Variants in EVI2A observed in about 807,000 individuals in gnomAD.
EVI2A encodes the protein ecotropic viral integration site 2A.
A neutral mutation model predicts 13.0 loss-of-function variants in EVI2A; 11 were observed. That is an observed-to-expected ratio of 0.85 (90% confidence interval 0.53 to 1.40). The LOEUF (loss-of-function observed/expected upper bound fraction) is 1.40. Among genes scored for constraint, EVI2A ranks in the 40% most tolerant of loss-of-function variants. The pLI is 0.00. For synonymous variants in EVI2A, 89 were observed against 98.0 expected (o/e 0.91, Z 0.54); for missense variants, 267 against 279.5 (o/e 0.96, Z 0.32).
chr17:31,318,047 A>G lies in EVI2A; in HGVS notation c.*256T>C, dbSNP rs1479369049. 3 of 433,210 alleles carry G rather than the reference A, an allele frequency of 6.9e-6. No homozygotes were observed. In the East Asian group the frequency reaches 1.2e-4, roughly 17 times the overall value. The allele number at this position is 433,210 out of a possible 1,614,324, so 26.8% of individuals were successfully genotyped here. A position where few individuals can be genotyped will look rare whatever the true frequency, so the allele number is the denominator to read the frequency against. Reference sequence around the variant, plus strand: ...GCTATCTCTATTAATCAGTTTCCTCAATTTATCCTTAAAATTTTCCTCAAA... The same window carrying G: ...GCTATCTCTATTAATCAGTTTCCTCGATTTATCCTTAAAATTTTCCTCAAA... On this transcript the variant is annotated 3_prime_UTR_variant, in exon 2 of 2. Transcript: ENST00000462804.
In EVI2A at chr17:31,318,335, T is replaced by G; in HGVS notation, c.679A>C (p.Thr227Pro). 1.2e-6 allele frequency: 2 copies of G among 1,610,314 alleles called. No individual in the cohort carries two copies. The highest frequency in any genetic ancestry group is 1.7e-6 in the Non-Finnish European group (2 of 1,179,050). The change falls in exon 2 of 2, where the codon ACT becomes CCT. Residue 227 changes from threonine to proline, a missense_variant. Physicochemically the swap from Thr to Pro is conservative, Grantham distance 38. Transcript: ENST00000462804. The part of the protein sequence containing the change: ...ATRERKDEEG[T>P]EKLTNKQIG ...ATCTGTTTGTTAGTAAGTTTTTCAG[T>G]TCCTTCTTCATCTTTTCTTTCCCTT...
rs1555626469 is a variant in EVI2A at position 31,317,403 on chromosome 17, A to ACCCCCC, written c.*899_*900insGGGGGG. ...CACACACACACACACACACACACAC[A>ACCCCCC]CCCCTAATAAATCATTAGGCTACTT... On this transcript the variant is annotated 3_prime_UTR_variant, in exon 2 of 2. Transcript: ENST00000462804. Among the ~76,000 whole-genome samples the ACCCCCC allele has an allele frequency of 6.8e-6, 1 of 147,180 alleles. No homozygotes were observed. Among genetic ancestry groups the ACCCCCC allele is most frequent in the African/African-American group, 2.6e-5 (1 of 38,530 alleles).
intron 1 of EVI2A, among the ~76,000 whole-genome samples, 189 bp downstream of exon 1, chr17:31,321,306 G>A (rs549596390): frequency 1.4e-4 from 22 of 152,166 alleles, no homozygotes; most frequent in Non-Finnish European, 2.5e-4. Flanking sequence ...ACTCCATGGC[G>A]ATGGCAAATT....
chr17:31,318,084 T>C lies in EVI2A; in HGVS notation c.*219A>G. The C allele has an allele frequency of 2.0e-6, 1 of 506,382 alleles. No individual in the cohort carries two copies. The highest frequency in any genetic ancestry group is 3.9e-5 in the South Asian group (1 of 25,748). 31.4% of individuals were successfully genotyped at this position (506,382 alleles called of 1,614,324 possible). On this transcript the variant is annotated 3_prime_UTR_variant, in exon 2 of 2. Transcript: ENST00000462804. ...AAATTTTCCTCAAATGCTTAGTTAT[T>C]TTATTATTTGCTTTTTAAAATATTC...
chr17:31,318,174 C>G lies in EVI2A; in HGVS notation c.*129G>C. ...GGCATACTTCTCCCTGTCTCACCTG[C>G]TTGATTCTAAATTGCAAGGTCTACC... is the stretch of plus-strand genomic sequence containing the variant. On this transcript the variant is annotated 3_prime_UTR_variant, in exon 2 of 2. Coordinates refer to ENST00000462804, the MANE Select transcript of EVI2A (RefSeq NM_014210.4). 1 of 1,194,764 alleles carries G rather than the reference C, an allele frequency of 8.4e-7. No individual in the cohort carries two copies. 74.0% of individuals were successfully genotyped at this position (1,194,764 alleles called of 1,614,324 possible).
chr17:31,318,017 C>T lies in EVI2A; in HGVS notation c.*286G>A. 1 of 333,896 alleles carries T rather than the reference C, an allele frequency of 3.0e-6. No individual in the cohort carries two copies. Among genetic ancestry groups the T allele is most frequent in the Non-Finnish European group, 5.4e-6 (1 of 183,522 alleles). 20.7% of individuals were successfully genotyped at this position (333,896 alleles called of 1,614,324 possible). The stretch of plus-strand genomic sequence containing the variant: ...ACATAGGGAATATTTATTTAATTAT[C>T]CCTTGCTATCTCTATTAATCAGTTT... On this transcript the variant is annotated 3_prime_UTR_variant, in exon 2 of 2. Coordinates refer to ENST00000462804, the MANE Select transcript of EVI2A (RefSeq NM_014210.4).
Position 31,319,029 on chromosome 17 carries a change from G to T in EVI2A, c.-10-6C>A, listed in dbSNP as rs1404043418. On this transcript the variant is annotated splice_region_variant and splice_polypyrimidine_tract_variant and intron_variant, in intron 1 of 1. Coordinates refer to ENST00000462804, the MANE Select transcript of EVI2A (RefSeq NM_014210.4). ...CCGTGGGCATGCTTGGCAATCTGTT[G>T]GGATAGCAATATAATTTGTTAGTTT... The T allele has an allele frequency of 6.4e-7, 1 of 1,573,978 alleles. No homozygotes were observed. Among genetic ancestry groups the T allele is most frequent in the African/African-American group, 1.4e-5 (1 of 73,172 alleles).
chr17:31,321,141 A>G (rs1009114288), intron 1 of EVI2A: 2 of 152,232 alleles, frequency 1.3e-5, no homozygotes, highest in African/African-American at 4.8e-5. Flanking sequence ...GTTTTCTTAT[A>G]TCTGATCATT....
chr17:31,318,942 C>T lies in EVI2A; in HGVS notation c.72G>A (p.Leu24=), dbSNP rs756643099. The T allele has an allele frequency of 3.7e-6, 6 of 1,613,386 alleles. No individual in the cohort carries two copies. In the South Asian group the frequency reaches 4.4e-5, roughly 12 times the overall value. The change falls in exon 2 of 2, where the codon TTG becomes TTA. Residue 24 remains leucine (L), a synonymous_variant. Transcript: ENST00000462804. The part of the protein sequence containing the change: ...LAFLMTTVFS[L]SPGTKANYTR... ...TATAGTTTGCTTTTGTTCCAGGAGACAAAGAAAAAACTGTTGTCATCAGAA... is the reference window on the plus strand; with the variant it reads ...TATAGTTTGCTTTTGTTCCAGGAGATAAAGAAAAAACTGTTGTCATCAGAA...
Position 31,318,107 on chromosome 17 carries a change from T to G in EVI2A, c.*196A>C. 1 of 583,128 alleles carries G rather than the reference T, an allele frequency of 1.7e-6. No homozygotes were observed. Among genetic ancestry groups the G allele is most frequent in the Non-Finnish European group, 2.8e-6 (1 of 362,104 alleles). The allele number at this position is 583,128 out of a possible 1,614,324, so 36.1% of individuals were successfully genotyped here. ...ATTTTATTATTTGCTTTTTAAAATA[T>G]TCAGTGTCAAAACAAAAGTACACAG... On this transcript the variant is annotated 3_prime_UTR_variant, in exon 2 of 2. Coordinates refer to ENST00000462804, the MANE Select transcript of EVI2A (RefSeq NM_014210.4).
In EVI2A at chr17:31,318,714, G is replaced by T. The variant is rs145171817; in HGVS notation, c.300C>A (p.Val100=). 224 of 1,614,106 alleles carry T rather than the reference G, an allele frequency of 1.4e-4. 5 individuals carry two copies. The Middle Eastern group carries it at 4.0e-3, about 29-fold the overall frequency. Residue 100 remains valine, a synonymous_variant, in exon 2 of 2, where the codon GTC becomes GTA. Coordinates refer to ENST00000462804, the MANE Select transcript of EVI2A (RefSeq NM_014210.4). ...SEQELYIPSV[V]SNSPSTVQSI... is the part of the protein sequence containing the mutation. The stretch of plus-strand genomic sequence containing the variant: ...TCTGTACTGTTGAAGGACTGTTGCT[G>T]ACGACAGAAGGTATATAAAGCTCCT...
At position 31,319,373 on chromosome 17, in the gene EVI2A, TAA is replaced by T. The variant is rs11295418; in HGVS notation, c.-10-352_-10-351del. Among the ~76,000 whole-genome samples, 14 of 143,088 alleles carry T rather than the reference TAA, an allele frequency of 9.8e-5. 1 individual carries two copies. Among genetic ancestry groups the T allele is most frequent in the South Asian group, 2.2e-4 (1 of 4,554 alleles). The allele number at this position is 143,088 out of a possible 152,430, so 93.9% of individuals were successfully genotyped here. ...GCTTTTACTTTTCTGATTCCTTCTT[TAA>T]AAAAAAAAAAAAATTAAGGATCATT... On this transcript the variant is annotated intron_variant, in intron 1 of 1. Coordinates refer to ENST00000462804, the MANE Select transcript of EVI2A (RefSeq NM_014210.4).
rs3138611 is a variant in EVI2A, at chr17:31,317,368, A to AACACACACAC, written c.*925_*934dup. ...TGAAGTATGCAGTTTTCCAGATTTG[A>AACACACACAC]ACACACACACACACACACACACACA... On this transcript the variant is annotated 3_prime_UTR_variant, in exon 2 of 2. Transcript: ENST00000462804. Among the ~76,000 whole-genome samples, 2,605 of 144,626 alleles carry AACACACACAC rather than the reference A, an allele frequency of 0.018. 36 individuals are homozygous for AACACACACAC. Among genetic ancestry groups the AACACACACAC allele is most frequent in the Non-Finnish European group, 0.024 (1,563 of 65,620 alleles). 94.9% of individuals were successfully genotyped at this position (144,626 alleles called of 152,430 possible).
At chr17:31,319,405 C>T (rs1341612157) in intron 1 of EVI2A, among the ~76,000 whole-genome samples, 2 of 151,292 alleles carry the variant, frequency 1.3e-5, no homozygotes, top group African/African-American at 4.9e-5. Flanking sequence ...ATCATTCTTA[C>T]AGAAACTACC....
At position 31,318,741 on chromosome 17, in the gene EVI2A, T is replaced by G; in HGVS notation, c.273A>C (p.Glu91Asp). 6.2e-7 allele frequency: 1 copy of G among 1,614,092 alleles called. No individual in the cohort carries two copies. Residue 91 changes from glutamate to aspartate, a missense_variant, in exon 2 of 2, where the codon GAA becomes GAC. Transcript: ENST00000462804. ...SHIVALTSKS[E>D]QELYIPSVVS... ...CGACAGAAGGTATATAAAGCTCCTG[T>G]TCAGATTTAGAAGTTAAAGCTACGA... is the stretch of plus-strand genomic sequence containing the variant.
rs2069195604 is a variant in EVI2A, at chr17:31,321,619, A to G, written c.-135T>C. ...AGCCTTAAAGTAAATCTGCAGTAAA[A>G]AAGGATATGTGCAGCTAGTTTTCCA... On this transcript the variant is annotated 5_prime_UTR_variant, in exon 1 of 2. Coordinates refer to ENST00000462804, the MANE Select transcript of EVI2A (RefSeq NM_014210.4). 6.6e-6 allele frequency: 1 copy of G among 152,140 alleles called. No homozygotes were observed. Among genetic ancestry groups the G allele is most frequent in the Admixed American group, 6.5e-5 (1 of 15,272 alleles). 9.4% of individuals were successfully genotyped at this position (152,140 alleles called of 1,614,324 possible). A position where few individuals can be genotyped will look rare whatever the true frequency, so the allele number is the denominator to read the frequency against.
rs1322648254 is a variant in EVI2A, at chr17:31,318,965, G to A, written c.49C>T (p.Leu17=). The change falls in exon 2 of 2, where the codon CTG becomes TTG. Residue 17 remains leucine (L), a synonymous_variant. Transcript: ENST00000462804. ...GACAAAGAAAAAACTGTTGTCATCA[G>A]AAAGGCAAGATGTAGGTAATGTCCT... ...HTGHYLHLAF[L]MTTVFSLSPG... The A allele has an allele frequency of 1.2e-6, 2 of 1,613,120 alleles. No homozygotes were observed. Among genetic ancestry groups the A allele is most frequent in the Non-Finnish European group, 8.5e-7 (1 of 1,179,910 alleles).
rs897443055 is a variant in EVI2A at position 31,317,254 on chromosome 17, A to G, written c.*1049T>C. On this transcript the variant is annotated 3_prime_UTR_variant, in exon 2 of 2. Coordinates refer to ENST00000462804, the MANE Select transcript of EVI2A (RefSeq NM_014210.4). ...AGTCTCTCAAACCAATTTTTGTAATATATTTAATTGAAGATGGGGGGGTTC... is the reference window on the plus strand; with the variant it reads ...AGTCTCTCAAACCAATTTTTGTAATGTATTTAATTGAAGATGGGGGGGTTC... Among the ~76,000 whole-genome samples, 1 of 152,124 alleles carries G rather than the reference A, an allele frequency of 6.6e-6. No homozygotes were observed. Among genetic ancestry groups the G allele is most frequent in the Non-Finnish European group, 1.5e-5 (1 of 68,024 alleles).
At position 31,319,022 on chromosome 17, in the gene EVI2A, A is replaced by G. The variant is rs142555266; in HGVS notation, c.-9T>C. 3 of 1,584,314 alleles carry G rather than the reference A, an allele frequency of 1.9e-6. No individual in the cohort carries two copies. Among genetic ancestry groups the G allele is most frequent in the African/African-American group, 1.4e-5 (1 of 73,686 alleles). On this transcript the variant is annotated splice_region_variant and 5_prime_UTR_variant, in exon 2 of 2. Coordinates refer to ENST00000462804, the MANE Select transcript of EVI2A (RefSeq NM_014210.4). Reference sequence around the variant, plus strand: ...TCCATGTCCGTGGGCATGCTTGGCAATCTGTTGGGATAGCAATATAATTTG... The same window carrying G: ...TCCATGTCCGTGGGCATGCTTGGCAGTCTGTTGGGATAGCAATATAATTTG...
Sources: allele counts gnomAD v4.1 joint callset (sites outside exome capture counted in the v4.1 genomes callset), GRCh38; gene constraint gnomAD v4.1.1; transcripts MANE v1.5; gene names NCBI Gene and HGNC (gene_info 2026-07-23, HGNC 2026-07-21).